COL19A1: variants seen among roughly 807,000 people sequenced by gnomAD.
COL19A1 encodes the protein collagen type XIX alpha 1 chain.
COL19A1 carries 159 observed loss-of-function variants against 190.2 expected under a neutral mutation model. The ratio of observed to expected loss-of-function variants is 0.84; its 90% CI spans 0.73 to 0.95. The LOEUF (loss-of-function observed/expected upper bound fraction) is 0.95, where lower values mean the gene tolerates loss of function less well. COL19A1 is among the 40% of genes least tolerant of loss of function. The pLI, the probability that COL19A1 is intolerant of heterozygous loss-of-function variation, is 0.00. For missense variants in COL19A1, 1,418 were observed against 1,431.9 expected (o/e 0.99, Z 0.16); for synonymous variants, 509 against 458.9 (o/e 1.11, Z -1.39).
intron 4 of COL19A1, among the ~76,000 whole-genome samples, chr6:69,914,611 A>G (rs1771172716): frequency 6.6e-6 from 1 of 152,120 alleles, no homozygotes; most frequent in East Asian, 1.9e-4. Context: ...TTAATTTTAT[A>G]AGCAAAATTA....
intron 7 of COL19A1, among the ~76,000 whole-genome samples, chr6:69,933,722 A>G (rs1772928656): frequency 6.6e-6 from 1 of 152,094 alleles, no homozygotes; most frequent in Admixed American, 6.6e-5. Context: ...TACTAGGTGT[A>G]ACTATATTTG....
At chr6:70,062,113 C>A (rs911995827) in intron 14 of COL19A1, among the ~76,000 whole-genome samples, 5 of 151,590 alleles carry the variant, frequency 3.3e-5, no homozygotes, top group African/African-American at 1.2e-4. Context: ...TTAAATTGCT[C>A]CCAAAGTAGA....
In COL19A1 at chr6:70,210,013, A is replaced by G. The variant is rs1015890293; in HGVS notation, c.*2739A>G. Reference sequence around the variant, plus strand: ...CAAATCCCTTGCACCATTTTATTCCATTCCAAAACATGTGTTTATTTCCAC... The same window carrying G: ...CAAATCCCTTGCACCATTTTATTCCGTTCCAAAACATGTGTTTATTTCCAC... On this transcript the variant is annotated 3_prime_UTR_variant, in exon 51 of 51. Coordinates refer to ENST00000620364, the MANE Select transcript of COL19A1 (RefSeq NM_001858.6). 6.6e-6 allele frequency: 1 copy of G among 152,164 alleles called. No individual in the cohort carries two copies. The highest frequency in any genetic ancestry group is 2.4e-5 in the African/African-American group (1 of 41,456). 9.4% of individuals were successfully genotyped at this position (152,164 alleles called of 1,614,324 possible).
chr6:70,119,682 C>T (rs939389706), intron 16 of COL19A1, among the ~76,000 whole-genome samples: 4 of 152,186 alleles, frequency 2.6e-5, no homozygotes, highest in Admixed American at 6.6e-5. Flanking sequence ...ATTTCCAACC[C>T]TCATTTTCTT....
intron 18 of COL19A1, chr6:70,131,202 G>A (rs1582987488): frequency 3.8e-6 from 1 of 263,356 alleles, no homozygotes; most frequent in East Asian, 1.2e-4. Flanking sequence ...TCTACAGGCA[G>A]AGATGAGTAG....
In COL19A1 at chr6:70,142,829, A is replaced by T; in HGVS notation, c.1626+9A>T. The T allele has an allele frequency of 6.2e-7, 1 of 1,609,556 alleles. No homozygotes were observed. Among genetic ancestry groups the T allele is most frequent in the Non-Finnish European group, 8.5e-7 (1 of 1,177,446 alleles). Reference sequence around the variant, plus strand: ...GACCGCCAGGAGATGTTGTATGTATAATGTCTTTGATATTTCTGGAATTGA... The same window carrying T: ...GACCGCCAGGAGATGTTGTATGTATTATGTCTTTGATATTTCTGGAATTGA... On this transcript the variant is annotated intron_variant, in intron 23 of 50. Coordinates refer to ENST00000620364, the MANE Select transcript of COL19A1 (RefSeq NM_001858.6).
chr6:70,208,186 C>A lies in COL19A1; in HGVS notation c.*912C>A, dbSNP rs1028293431. Reference sequence around the variant, plus strand: ...CAGTGGCCTAGCAAGATCTTTGGGCCCTTGTATCCATTATCCTTATGACCT... The same window carrying A: ...CAGTGGCCTAGCAAGATCTTTGGGCACTTGTATCCATTATCCTTATGACCT... On this transcript the variant is annotated 3_prime_UTR_variant, in exon 51 of 51. Transcript: ENST00000620364. The A allele has an allele frequency of 6.6e-6, 1 of 152,154 alleles. No homozygotes were observed. Among genetic ancestry groups the A allele is most frequent in the African/African-American group, 2.4e-5 (1 of 41,406 alleles). The allele number at this position is 152,154 out of a possible 1,614,324, so 9.4% of individuals were successfully genotyped here.
chr6:70,053,082 A>G (rs894864244), intron 14 of COL19A1, among the ~76,000 whole-genome samples: 1 of 152,184 alleles, frequency 6.6e-6, no homozygotes, highest in South Asian at 2.1e-4. Context: ...TATTGAAATG[A>G]TATTGAAATG....
In COL19A1 at chr6:69,947,298, A is replaced by T. The variant is rs73482130; in HGVS notation, c.936+9198A>T. ...TCAATAAAATGCTATACTGTAGGCT[A>T]TAGCTCATAAAATGATTGATTTTTA... On this transcript the variant is annotated intron_variant, in intron 9 of 50. Transcript: ENST00000620364. Among the ~76,000 whole-genome samples, 1,252 of 152,006 alleles carry T rather than the reference A, an allele frequency of 8.2e-3. 18 individuals carry two copies. Among genetic ancestry groups the T allele is most frequent in the African/African-American group, 0.026 (1,077 of 41,508 alleles).
intron 4 of COL19A1, among the ~76,000 whole-genome samples, chr6:69,922,498 T>G (rs1451643014): frequency 9.3e-6 from 1 of 107,534 alleles, no homozygotes; most frequent in East Asian, 2.6e-4. Context: ...TTTTTTTTTT[T>G]GATATGGAGT....
chr6:70,059,725 A>G, intron 14 of COL19A1: 1 of 472,476 alleles, frequency 2.1e-6, no homozygotes, highest in South Asian at 1.6e-5. Context: ...GAAAATGAAT[A>G]CCTATGTAGA....
At chr6:70,171,350 G>A (rs1212684704) in intron 40 of COL19A1, among the ~76,000 whole-genome samples, 1 of 152,122 alleles carries the variant, frequency 6.6e-6, no homozygotes, top group Non-Finnish European at 1.5e-5. Flanking sequence ...ACAGGCTCCA[G>A]CTAGCCTGGG....
intron 11 of COL19A1, among the ~76,000 whole-genome samples, chr6:69,968,050 G>A (rs1437880759): frequency 2.0e-5 from 3 of 152,112 alleles, no homozygotes; most frequent in African/African-American, 7.2e-5. Flanking sequence ...ATTTTCAGAT[G>A]ACATAATTCA....
At chr6:70,004,022 T>C (rs1777452859) in intron 11 of COL19A1, among the ~76,000 whole-genome samples, 1 of 152,188 alleles carries the variant, frequency 6.6e-6, no homozygotes, top group Non-Finnish European at 1.5e-5. Flanking sequence ...GATTTTCTTT[T>C]CCATATTCAA....
intron 30 of COL19A1, 66 bp downstream of exon 30, chr6:70,150,111 A>G: frequency 6.4e-7 from 1 of 1,553,700 alleles, no homozygotes; most frequent in Non-Finnish European, 8.9e-7. Flanking sequence ...CAGCCTACCA[A>G]GCAAGTTTTG....
intron 4 of COL19A1, among the ~76,000 whole-genome samples, chr6:69,921,706 TCG>T (rs1771961908): frequency 7.0e-6 from 1 of 143,296 alleles, no homozygotes; most frequent in African/African-American, 2.7e-5. Context: ...TCGTATATAT[TCG>T]TATGTAGATT....
At chr6:69,923,523 T>C (rs1000124824) in intron 4 of COL19A1, among the ~76,000 whole-genome samples, 1 of 152,186 alleles carries the variant, frequency 6.6e-6, no homozygotes, top group Non-Finnish European at 1.5e-5. Flanking sequence ...CTGTGGACAT[T>C]AATTGAAAAT....
chr6:69,989,784 T>G (rs1319621098), intron 11 of COL19A1, among the ~76,000 whole-genome samples: 1 of 152,052 alleles, frequency 6.6e-6, no homozygotes, highest in Non-Finnish European at 1.5e-5. Context: ...CTCTCCCACT[T>G]TACTATGTCA....
rs1766395094 is a variant in COL19A1 at position 70,184,685 on chromosome 6, T to C, written c.2776-18T>C. ...GTTAATGCAGAGTTAGAAATATTAA[T>C]CCTTTTTTTCTTTATAGGGAATAAA... On this transcript the variant is annotated intron_variant, in intron 44 of 50. Transcript: ENST00000620364. The C allele has an allele frequency of 1.3e-6, 2 of 1,575,504 alleles. No individual in the cohort carries two copies. Among genetic ancestry groups the C allele is most frequent in the Non-Finnish European group, 8.7e-7 (1 of 1,151,488 alleles).
Sources: gnomAD v4.1 joint callset for allele counts (sites outside exome capture counted in the v4.1 genomes callset) on GRCh38, gnomAD v4.1.1 for gene constraint, MANE v1.5 for transcripts, NCBI Gene and HGNC (gene_info 2026-07-23, HGNC 2026-07-21) for gene names.